The following FAM120A variants were observed in gnomAD, a reference collection of about 807,000 sequenced individuals.
The protein encoded by FAM120A is family with sequence similarity 120 member A.
FAM120A carries 15 observed loss-of-function variants against 109.7 expected under a neutral mutation model. The observed-to-expected ratio is 0.14, with a 90% CI of 0.09 to 0.21. The LOEUF (loss-of-function observed/expected upper bound fraction) is 0.21, where lower values mean the gene tolerates loss of function less well. FAM120A is among the 10% of genes least tolerant of loss of function. The pLI is 1.00. For synonymous variants in FAM120A, 493 were observed against 572.8 expected (o/e 0.86, Z 1.99); for missense variants, 899 against 1,439.3 (o/e 0.62, Z 6.07).
intron 5 of FAM120A, among the ~76,000 whole-genome samples, chr9:93,504,876 A>G (rs1859962618): frequency 6.6e-6 from 1 of 152,128 alleles, no homozygotes; most frequent in Non-Finnish European, 1.5e-5. Flanking sequence ...CAGAAGTGAA[A>G]GAACCCTCTC....
intron 2 of FAM120A, among the ~76,000 whole-genome samples, chr9:93,474,710 C>G (rs1414811850): frequency 6.6e-6 from 1 of 152,168 alleles, no homozygotes; most frequent in Non-Finnish European, 1.5e-5. Context: ...TCTCCCACCT[C>G]AGCCTCCCGA....
At chr9:93,503,097 A>T (rs1312561489) in intron 5 of FAM120A, among the ~76,000 whole-genome samples, 1 of 152,242 alleles carries the variant, frequency 6.6e-6, no homozygotes, top group Non-Finnish European at 1.5e-5. Flanking sequence ...ATTAACATAG[A>T]AAACACCAAC....
intron 1 of FAM120A, among the ~76,000 whole-genome samples, chr9:93,461,038 A>G (rs1001675351): frequency 8.5e-5 from 13 of 152,206 alleles, no homozygotes; most frequent in Admixed American, 5.9e-4. Context: ...CTTAGGGGAC[A>G]GTGTAAAAGA....
chr9:93,514,948 C>T (rs1371249416), intron 5 of FAM120A, among the ~76,000 whole-genome samples: 1 of 152,240 alleles, frequency 6.6e-6, no homozygotes, highest in Admixed American at 6.5e-5. Flanking sequence ...TCAGCCATTC[C>T]TCTATGTGGC....
intron 1 of FAM120A, 128 bp from the exon 2 acceptor site, chr9:93,471,013 A>T: frequency 2.7e-6 from 3 of 1,115,982 alleles, no homozygotes; most frequent in African/African-American, 1.6e-5. Flanking sequence ...CATTTTTTTG[A>T]CTGTTTGGCT....
At chr9:93,477,387 C>G (rs78819841) in intron 3 of FAM120A, among the ~76,000 whole-genome samples, 4,622 of 152,258 alleles carry the variant, frequency 0.03, 107 homozygotes, top group African/African-American at 0.051. Context: ...TTCTCCTTTT[C>G]ACCCTAATGG....
chr9:93,564,129 T>C, intron 17 of FAM120A, 100 bp from the exon 18 acceptor site: 1 of 1,216,388 alleles, frequency 8.2e-7, no homozygotes, highest in East Asian at 2.4e-5. Flanking sequence ...CATTTTCTGC[T>C]CTTGAATCTG....
intron 16 of FAM120A, among the ~76,000 whole-genome samples, chr9:93,561,497 C>T (rs542944186): frequency 6.6e-6 from 1 of 152,258 alleles, no homozygotes; most frequent in African/African-American, 2.4e-5. Flanking sequence ...TGGGCTCCAT[C>T]GATCCTCCCA....
intron 7 of FAM120A, among the ~76,000 whole-genome samples, chr9:93,524,620 T>G (rs1029289475): frequency 2.6e-5 from 4 of 152,182 alleles, no homozygotes; most frequent in African/African-American, 9.6e-5. Context: ...CTCACATATG[T>G]GTGAAACTGT....
chr9:93,495,298 A>C (rs1050124861), intron 3 of FAM120A, among the ~76,000 whole-genome samples: 4 of 152,220 alleles, frequency 2.6e-5, no homozygotes, highest in African/African-American at 9.6e-5. Context: ...TCTAGCTAAG[A>C]TATGTTAGCT....
In FAM120A at chr9:93,502,565, T is replaced by TACAC. The variant is rs6151079; in HGVS notation, c.1030+3710_1030+3713dup. Among the ~76,000 whole-genome samples, 1,024 of 146,788 alleles carry TACAC rather than the reference T, an allele frequency of 7.0e-3. 11 individuals carry two copies. Among genetic ancestry groups the TACAC allele is most frequent in the African/African-American group, 0.015 (592 of 39,726 alleles). ...AGTGTAGAGTTCTTAGGAGGACACA[T>TACAC]ACACACACACACACACACACACACA... On this transcript the variant is annotated intron_variant, in intron 5 of 17. Coordinates refer to ENST00000277165, the MANE Select transcript of FAM120A (RefSeq NM_014612.5).
rs1027539056 is a variant in FAM120A at position 93,451,731 on chromosome 9, C to T, written c.-185C>T. Reference sequence around the variant, plus strand: ...GCGGCGGCGGCGGCAGGTCCCTCCCCAGACATGGCCCTGGGAGGCGGCAGC... The same window carrying T: ...GCGGCGGCGGCGGCAGGTCCCTCCCTAGACATGGCCCTGGGAGGCGGCAGC... On this transcript the variant is annotated 5_prime_UTR_variant, in exon 1 of 18. Transcript: ENST00000277165. 32 of 986,796 alleles carry T rather than the reference C, an allele frequency of 3.2e-5. No homozygotes were observed. In the African/African-American group the frequency reaches 4.9e-4, roughly 15 times the overall value. The allele number at this position is 986,796 out of a possible 1,614,324, so 61.1% of individuals were successfully genotyped here. A position where few individuals can be genotyped will look rare whatever the true frequency, so the allele number is the denominator to read the frequency against.
chr9:93,453,737 C>T (rs1857406652), intron 1 of FAM120A: 2 of 674,964 alleles, frequency 3.0e-6, no homozygotes, highest in Non-Finnish European at 3.7e-6. Context: ...AGAGGAAGTG[C>T]CTGCCTTTTA....
chr9:93,479,591 A>T (rs1858708450), intron 3 of FAM120A, among the ~76,000 whole-genome samples: 1 of 152,192 alleles, frequency 6.6e-6, no homozygotes, highest in African/African-American at 2.4e-5. Context: ...AATCATGAGA[A>T]AATTTCATCT....
At chr9:93,505,107 C>G (rs2131371977) in intron 5 of FAM120A, among the ~76,000 whole-genome samples, 1 of 123,144 alleles carries the variant, frequency 8.1e-6, no homozygotes, top group Admixed American at 1.0e-4. Context: ...GTCACCCAGG[C>G]TGGAGTGCAG....
Position 93,497,498 on chromosome 9 carries a change from C to T in FAM120A, c.832C>T (p.Pro278Ser). 1 of 1,613,570 alleles carries T rather than the reference C, an allele frequency of 6.2e-7. No homozygotes were observed. Among genetic ancestry groups the T allele is most frequent in the South Asian group, 1.1e-5 (1 of 90,958 alleles). ...CCGGGCCCACCAGCTGGTCTTGCCACCTTGCGACGTAGTGATCAAAGCCGT... is the reference window on the plus strand; with the variant it reads ...CCGGGCCCACCAGCTGGTCTTGCCATCTTGCGACGTAGTGATCAAAGCCGT... ...KVRAHQLVLP[P>S]CDVVIKAVAD... is the part of the protein sequence containing the mutation. The change falls in exon 4 of 18, where the codon CCT becomes TCT. Residue 278 changes from proline to serine, a missense_variant. By Grantham distance (74) the Pro-to-Ser change is moderately conservative. Around this residue, in one of 11 missense-constraint regions of FAM120A, gnomAD observed 258 missense variants for 451.4 expected, o/e 0.57. Transcript: ENST00000277165.
intron 3 of FAM120A, among the ~76,000 whole-genome samples, chr9:93,493,797 G>A (rs1303305478): frequency 6.6e-6 from 1 of 152,190 alleles, no homozygotes; most frequent in Non-Finnish European, 1.5e-5. Flanking sequence ...GGAGCCAAAG[G>A]GCCACTCAGG....
chr9:93,510,702 G>C (rs1232361216), intron 5 of FAM120A, among the ~76,000 whole-genome samples: 1 of 136,884 alleles, frequency 7.3e-6, no homozygotes, highest in African/African-American at 2.5e-5. Flanking sequence ...GGTCTGAACT[G>C]CCTCAGCCCC....
At chr9:93,511,000 C>G (rs1365039539) in intron 5 of FAM120A, among the ~76,000 whole-genome samples, 3 of 151,718 alleles carry the variant, frequency 2.0e-5, no homozygotes, top group African/African-American at 7.3e-5. Context: ...GCCCAGCTCC[C>G]TGCTGTAGAA....
Sources: allele counts gnomAD v4.1 joint callset (sites outside exome capture counted in the v4.1 genomes callset), GRCh38; gene constraint gnomAD v4.1.1; regional missense constraint gnomAD v4.1.1; transcripts MANE v1.5; gene names NCBI Gene and HGNC (gene_info 2026-07-23, HGNC 2026-07-21).